The following CRYAB variants were observed in gnomAD, a reference collection of about 807,000 sequenced individuals.
CRYAB encodes the protein crystallin alpha B.
In CRYAB, 9 loss-of-function variants were observed where a neutral mutation model predicts 12.7. The ratio of observed to expected loss-of-function variants is 0.71; its 90% CI spans 0.43 to 1.24. The LOEUF (loss-of-function observed/expected upper bound fraction) is 1.24. Among genes scored for constraint, CRYAB ranks in the 50% most tolerant of loss-of-function variants. The probability of loss-of-function intolerance (pLI) is 0.00; values close to 1 mark genes in which losing one functional copy is unlikely to be tolerated. For synonymous variants in CRYAB, 93 were observed against 86.8 expected (o/e 1.07, Z -0.40); for missense variants, 183 against 226.6 (o/e 0.81, Z 1.24).
At chr11:111,919,176 A>T in intron 1 of CRYAB, 1 of 748,634 alleles carries the variant, frequency 1.3e-6, no homozygotes, top group Admixed American at 2.7e-5. Flanking sequence ...AGGAGGCCTT[A>T]GAAGACAGAG....
upstream of CRYAB, chr11:111,913,387 T>C: frequency 7.1e-7 from 1 of 1,401,452 alleles, no homozygotes; most frequent in Non-Finnish European, 9.8e-7. Context: ...ATTTCGCCCC[T>C]GTGCCAGCCT....
At chr11:111,914,015 T>C, upstream of CRYAB, 1 of 897,096 alleles carries the variant, frequency 1.1e-6, no homozygotes. Flanking sequence ...TGGTCCACAA[T>C]GTATGGTTTG....
At chr11:111,913,631 C>T, upstream of CRYAB, 1 of 1,614,206 alleles carries the variant, frequency 6.2e-7, no homozygotes. Context: ...CTGTGGATAA[C>T]CTGCTGGAGG....
intron 1 of CRYAB, chr11:111,910,942 G>T: frequency 4.0e-6 from 1 of 248,166 alleles, no homozygotes; most frequent in South Asian, 5.5e-5. Flanking sequence ...ATCTGTGACA[G>T]CTCTGTCAAC....
rs1965415986 is a variant in CRYAB, at chr11:111,910,383, T to G, written c.268A>C (p.Lys90Gln). 6.2e-7 allele frequency: 1 copy of G among 1,614,112 alleles called. No individual in the cohort carries two copies. Among genetic ancestry groups the G allele is most frequent in the Non-Finnish European group, 8.5e-7 (1 of 1,180,054 alleles). ...DVKHFSPEELKVKVLGDVIEV... is the reference protein window; with the variant it reads ...DVKHFSPEELQVKVLGDVIEV... ...ATCACATCTCCCAACACCTTAACTT[T>G]GAGTTCCTCTGGGGAGAAGTGCTTC... Residue 90 changes from lysine to glutamine, a missense_variant, in exon 2 of 3, where the codon AAA (lysine) becomes CAA (glutamine). Around this residue, in one of 3 missense-constraint regions of CRYAB, gnomAD observed 95 missense variants for 112.5 expected, o/e 0.84. Coordinates refer to ENST00000650687, the MANE Select transcript of CRYAB (RefSeq NM_001289808.2).
At position 111,911,727 on chromosome 11, in the gene CRYAB, T is replaced by C. The variant is rs1555165627; in HGVS notation, c.-3A>G. ...GGGTGGTGGATGGCGATGTCCATGG[T>C]GGCTAGGTGAGTGTGAGGGGTCAGC... On this transcript the variant is annotated 5_prime_UTR_variant, in exon 1 of 3. Transcript: ENST00000650687. The C allele has an allele frequency of 6.3e-7, 1 of 1,577,654 alleles. No individual in the cohort carries two copies. Among genetic ancestry groups the C allele is most frequent in the Admixed American group, 1.9e-5 (1 of 53,718 alleles).
upstream of CRYAB, among the ~76,000 whole-genome samples, chr11:111,914,950 C>G (rs1370893636): frequency 2.6e-5 from 4 of 152,126 alleles, no homozygotes; most frequent in African/African-American, 9.7e-5. Context: ...TGGTGCATGC[C>G]TGTAGTCCCA....
chr11:111,915,741 A>G (rs186347569), upstream of CRYAB, among the ~76,000 whole-genome samples: 478 of 152,148 alleles, frequency 3.1e-3, 4 homozygotes, highest in African/African-American at 0.01. Flanking sequence ...AGTCGTTTCC[A>G]TGTTCTTTCT....
upstream of CRYAB, chr11:111,912,955 AC>A: frequency 1.2e-6 from 1 of 811,182 alleles, no homozygotes; most frequent in Non-Finnish European, 1.5e-6. Context: ...CTTGCCCCCC[AC>A]CCCCACCCCC....
intron 2 of CRYAB, 96 bp from the exon 3 acceptor site, chr11:111,909,063 G>A: frequency 3.3e-6 from 4 of 1,224,508 alleles, no homozygotes; most frequent in Non-Finnish European, 4.8e-6. Context: ...CCTTAGGTGA[G>A]ACCAAATGCC....
upstream of CRYAB, chr11:111,913,650 C>T (rs782717759): frequency 2.7e-5 from 43 of 1,614,012 alleles, no homozygotes; most frequent in Non-Finnish European, 2.7e-5. Context: ...GGTGTCTGCC[C>T]GGCACCCCCA....
At chr11:111,913,588 G>A, upstream of CRYAB, 1 of 1,614,198 alleles carries the variant, frequency 6.2e-7, no homozygotes, top group Non-Finnish European at 8.5e-7. Flanking sequence ...CTGGATGTGA[G>A]CCACTTTACC....
chr11:111,920,609 T>TAAA (rs1192392387), intron 1 of CRYAB, among the ~76,000 whole-genome samples: 4 of 149,634 alleles, frequency 2.7e-5, no homozygotes, highest in African/African-American at 9.8e-5. Context: ...ACAAAAAAAT[T>TAAA]AAAAATTAGC....
At chr11:111,914,219 G>A (rs1393657220), upstream of CRYAB, 7 of 257,954 alleles carry the variant, frequency 2.7e-5, no homozygotes, top group Non-Finnish European at 5.2e-5. Context: ...CCCTGAGCTC[G>A]CACTTGGATG....
At chr11:111,916,069 C>T (rs1407476738), upstream of CRYAB, among the ~76,000 whole-genome samples, 1 of 152,066 alleles carries the variant, frequency 6.6e-6, no homozygotes, top group Non-Finnish European at 1.5e-5. Flanking sequence ...TCTTAACTGA[C>T]TTAACCGTTA....
upstream of CRYAB, chr11:111,912,686 C>A (rs1321648057): frequency 3.8e-6 from 2 of 526,932 alleles, no homozygotes; most frequent in East Asian, 4.1e-5. Flanking sequence ...GCCCCTCCCC[C>A]CCCAAGAGGC....
upstream of CRYAB, chr11:111,913,503 G>T: frequency 6.2e-7 from 1 of 1,613,754 alleles, no homozygotes; most frequent in Non-Finnish European, 8.5e-7. Flanking sequence ...CCGGCCTCGG[G>T]CCGCCCCAGC....
upstream of CRYAB, chr11:111,914,084 A>C: frequency 3.3e-6 from 2 of 599,720 alleles, no homozygotes; most frequent in South Asian, 4.2e-5. Flanking sequence ...ATAAACCCAA[A>C]TCTCAGGGCC....
intron 1 of CRYAB, chr11:111,910,655 C>A (rs1555165455): frequency 3.1e-6 from 2 of 650,056 alleles, no homozygotes; most frequent in African/African-American, 1.8e-5. Context: ...GGTGATCAGA[C>A]CCAAACTTTA....
Sources: gnomAD v4.1 joint callset for allele counts (sites outside exome capture counted in the v4.1 genomes callset) on GRCh38, gnomAD v4.1.1 for gene constraint, gnomAD v4.1.1 regional missense constraint, MANE v1.5 for transcripts, NCBI Gene and HGNC (gene_info 2026-07-23, HGNC 2026-07-21) for gene names.